The following ELAVL2 variants were observed in gnomAD, a reference collection of about 807,000 sequenced individuals.
The protein encoded by ELAVL2 is ELAV-like protein 2.
Under a neutral mutation model 34.6 loss-of-function variants are expected in ELAVL2, and 4 were observed. That is an observed-to-expected ratio of 0.12 (90% CI 0.06 to 0.26). The LOEUF is 0.26. ELAVL2 is among the 10% of genes least tolerant of loss of function. The pLI, the probability that ELAVL2 is intolerant of heterozygous loss-of-function variation, is 1.00. For synonymous variants in ELAVL2, 193 were observed against 154.8 expected (o/e 1.25, Z -1.83); for missense variants, 432 against 442.8 (o/e 0.98, Z 0.22).
rs111859111 is a variant in ELAVL2, at chr9:23,792,320, C to T, written c.-15-30071G>A. On this transcript the variant is annotated intron_variant, in intron 1 of 6. Coordinates refer to ENST00000397312, the MANE Select transcript of ELAVL2 (RefSeq NM_004432.5). ...TAACTTAAAGATGGGTTTATCAGGA[C>T]ATAAGCCCCATCATAAGTCAGAGCA... Among the ~76,000 whole-genome samples, 15 of 152,302 alleles carry T rather than the reference C, an allele frequency of 9.8e-5. 1 individual carries two copies. Among genetic ancestry groups the T allele is most frequent in the African/African-American group, 2.4e-4 (10 of 41,570 alleles).
intron 1 of ELAVL2, among the ~76,000 whole-genome samples, chr9:23,788,297 T>G (rs1378973766): frequency 6.6e-6 from 1 of 152,166 alleles, no homozygotes; most frequent in Non-Finnish European, 1.5e-5. Context: ...CCTTCTAGCA[T>G]TTGCCATCCT....
intron 1 of ELAVL2, among the ~76,000 whole-genome samples, chr9:23,766,231 T>C (rs1482136828): frequency 6.6e-6 from 1 of 152,150 alleles, no homozygotes; most frequent in East Asian, 1.9e-4. Flanking sequence ...CAGGAAGCCA[T>C]GAAAATATTT....
intron 3 of ELAVL2, among the ~76,000 whole-genome samples, chr9:23,711,328 A>G (rs969804341): frequency 3.9e-5 from 6 of 152,208 alleles, no homozygotes; most frequent in Non-Finnish European, 7.4e-5. Context: ...TTTTAAGACT[A>G]AACAATTGCT....
chr9:23,813,833 G>C (rs2063348325), intron 1 of ELAVL2, among the ~76,000 whole-genome samples: 1 of 152,128 alleles, frequency 6.6e-6, no homozygotes, highest in Non-Finnish European at 1.5e-5. Flanking sequence ...GTAAATACAA[G>C]AGATCAAACG....
chr9:23,735,630 T>G (rs1234193036), intron 2 of ELAVL2: 1 of 152,226 alleles, frequency 6.6e-6, no homozygotes, highest in Non-Finnish European at 1.5e-5. Context: ...TTTTGCTATA[T>G]TCTGTGCTGC....
chr9:23,696,700 G>C (rs1393528786), intron 5 of ELAVL2, among the ~76,000 whole-genome samples: 2 of 151,936 alleles, frequency 1.3e-5, no homozygotes, highest in Non-Finnish European at 2.9e-5. Context: ...TCGATCTCCT[G>C]ACCTCGTGAT....
chr9:23,836,388 C>A, the ELAVL2 span, among the ~76,000 whole-genome samples: 3 of 152,070 alleles, frequency 2.0e-5, no homozygotes, highest in Non-Finnish European at 4.4e-5. Context: ...TTTCTAGGTT[C>A]CTTGTGCAAA....
chr9:23,815,301 T>A (rs967052675), intron 1 of ELAVL2, among the ~76,000 whole-genome samples: 9 of 152,212 alleles, frequency 5.9e-5, no homozygotes, highest in African/African-American at 2.2e-4. Flanking sequence ...GCATTATTTA[T>A]ATTTTCAAGG....
chr9:23,772,476 G>C (rs1336805341), intron 1 of ELAVL2, among the ~76,000 whole-genome samples: 1 of 142,956 alleles, frequency 7.0e-6, no homozygotes, highest in African/African-American at 2.6e-5. Context: ...CTGTTATTTA[G>C]CAGGACTTAG....
intron 1 of ELAVL2, among the ~76,000 whole-genome samples, chr9:23,783,923 G>A (rs899388164): frequency 4.0e-5 from 6 of 150,922 alleles, no homozygotes; most frequent in Admixed American, 6.6e-5. Context: ...GGCCGGGCGC[G>A]GTGGCTCACA....
chr9:23,800,693 T>C lies in ELAVL2; in HGVS notation c.-16+25113A>G, dbSNP rs542641506. ...TTCTCAAGCAAATGAATCTACAAAA[T>C]TAGAAAATTTGACTTACTTAAAATA... On this transcript the variant is annotated intron_variant, in intron 1 of 6. Transcript: ENST00000397312. Among the ~76,000 whole-genome samples, 20 of 152,302 alleles carry C rather than the reference T, an allele frequency of 1.3e-4. No homozygotes were observed. In the East Asian group the frequency reaches 3.9e-3, roughly 29 times the overall value.
At chr9:23,841,713 A>G in the ELAVL2 span, among the ~76,000 whole-genome samples, 4 of 152,126 alleles carry the variant, frequency 2.6e-5, no homozygotes, top group African/African-American at 7.2e-5. Flanking sequence ...GAGAATCACT[A>G]TGTATCTATG....
At chr9:23,754,537 C>A (rs1260251469) in intron 2 of ELAVL2, among the ~76,000 whole-genome samples, 2 of 152,040 alleles carry the variant, frequency 1.3e-5, no homozygotes, top group Admixed American at 6.6e-5. Context: ...CAGTTCACTG[C>A]AACCTCTGCC....
Position 23,692,544 on chromosome 9 carries a change from G to GGA in ELAVL2, c.*11_*12dup, listed in dbSNP as rs748770010. ...TAGTTTTCATATATAAATGGACTGAGGACAAGAGCTCATTAGGCTTTGTGC... is the reference window on the plus strand; with the variant it reads ...TAGTTTTCATATATAAATGGACTGAGGAGACAAGAGCTCATTAGGCTTTGTGC... On this transcript the variant is annotated 3_prime_UTR_variant, in exon 7 of 7. Coordinates refer to ENST00000397312, the MANE Select transcript of ELAVL2 (RefSeq NM_004432.5). The GGA allele has an allele frequency of 4.4e-6, 7 of 1,605,380 alleles. No individual in the cohort carries two copies. Among genetic ancestry groups the GGA allele is most frequent in the Non-Finnish European group, 6.0e-6 (7 of 1,174,294 alleles).
At chr9:23,769,362 C>T (rs112958669) in intron 1 of ELAVL2, among the ~76,000 whole-genome samples, 2 of 152,178 alleles carry the variant, frequency 1.3e-5, no homozygotes, top group African/African-American at 4.8e-5. Context: ...ATCATCTGCC[C>T]GACACACACC....
At chr9:23,717,467 TAGA>T (rs1158047144) in intron 3 of ELAVL2, among the ~76,000 whole-genome samples, 2 of 152,248 alleles carry the variant, frequency 1.3e-5, no homozygotes, top group African/African-American at 4.8e-5. Context: ...ATCATTTTTG[TAGA>T]AGGTTATTAC....
intron 1 of ELAVL2, among the ~76,000 whole-genome samples, chr9:23,799,291 A>C: frequency 6.6e-6 from 1 of 152,134 alleles, no homozygotes; most frequent in East Asian, 1.9e-4. Flanking sequence ...TTCTAACATC[A>C]CCTAGTCAGA....
At chr9:23,694,523 CA>C (rs2034409711) in intron 5 of ELAVL2, among the ~76,000 whole-genome samples, 1 of 151,774 alleles carries the variant, frequency 6.6e-6, no homozygotes, top group South Asian at 2.1e-4. Context: ...AAAGACATCC[CA>C]GGGTTGTCCC....
chr9:23,791,622 G>GGC (rs140811560), intron 1 of ELAVL2, among the ~76,000 whole-genome samples: 13,434 of 152,050 alleles, frequency 0.088, 699 homozygotes, highest in Middle Eastern at 0.21. Flanking sequence ...ACAAGTATGG[G>GGC]GCCCTAATCC....
Sources: allele counts gnomAD v4.1 joint callset (sites outside exome capture counted in the v4.1 genomes callset), GRCh38; gene constraint gnomAD v4.1.1; transcripts MANE v1.5; gene names NCBI Gene and HGNC (gene_info 2026-07-23, HGNC 2026-07-21).